GPHN: variants seen among roughly 807,000 people sequenced by gnomAD.
The protein encoded by GPHN is gephyrin.
Under a neutral mutation model 95.5 loss-of-function variants are expected in GPHN, and 17 were observed. The observed-to-expected ratio is 0.18, with a 90% CI of 0.12 to 0.27. GPHN has a LOEUF of 0.27. Among genes scored for constraint, GPHN ranks in the 10% least tolerant of loss-of-function variants. The pLI is 1.00. For missense variants in GPHN, 660 were observed against 978.1 expected (o/e 0.67, Z 4.34); for synonymous variants, 320 against 322.5 (o/e 0.99, Z 0.08).
At chr14:67,378,824 G>A in the GPHN span, among the ~76,000 whole-genome samples, 1 of 152,270 alleles carries the variant, frequency 6.6e-6, no homozygotes, top group Non-Finnish European at 1.5e-5. Context: ...TTCTGACATA[G>A]TTGGAAACAA....
At chr14:67,604,301 G>A in the GPHN span, among the ~76,000 whole-genome samples, 1 of 152,264 alleles carries the variant, frequency 6.6e-6, no homozygotes, top group South Asian at 2.1e-4. Context: ...TACTCTAATG[G>A]TGTCTTTTGA....
At chr14:67,535,078 T>A in the GPHN span, among the ~76,000 whole-genome samples, 1 of 152,216 alleles carries the variant, frequency 6.6e-6, no homozygotes, top group Non-Finnish European at 1.5e-5. Flanking sequence ...GATGTAGGAA[T>A]ATCTCTAAGT....
chr14:66,920,820 C>T (rs1390460698), intron 6 of GPHN, among the ~76,000 whole-genome samples: 1 of 152,096 alleles, frequency 6.6e-6, no homozygotes, highest in South Asian at 2.1e-4. Context: ...CATAGCTTAG[C>T]TCCCACATAT....
intron 4 of GPHN, among the ~76,000 whole-genome samples, chr14:66,839,036 G>A (rs1415224773): frequency 6.6e-6 from 1 of 152,172 alleles, no homozygotes; most frequent in African/African-American, 2.4e-5. Flanking sequence ...ACTTGGAACT[G>A]CTACTAAAAT....
chr14:66,581,844 A>T (rs1329872177), intron 1 of GPHN, among the ~76,000 whole-genome samples: 1 of 152,044 alleles, frequency 6.6e-6, no homozygotes, highest in Non-Finnish European at 1.5e-5. Flanking sequence ...AGAAGATATA[A>T]CAATTGTAAA....
intron 11 of GPHN, among the ~76,000 whole-genome samples, chr14:67,080,255 T>A (rs1374912388): frequency 6.6e-6 from 1 of 151,944 alleles, no homozygotes; most frequent in East Asian, 1.9e-4. Flanking sequence ...TCATTTTAAA[T>A]TCATGTGATT....
intron 4 of GPHN, among the ~76,000 whole-genome samples, chr14:66,838,705 T>C (rs1025410884): frequency 4.6e-5 from 7 of 152,180 alleles, no homozygotes; most frequent in African/African-American, 1.4e-4. Context: ...TTTCAGGATA[T>C]TCCTTTCTTT....
chr14:66,570,462 G>A (rs972717866), intron 1 of GPHN, among the ~76,000 whole-genome samples: 3 of 151,836 alleles, frequency 2.0e-5, no homozygotes, highest in Non-Finnish European at 4.4e-5. Flanking sequence ...CTACCACCAC[G>A]CCCAGCTAAT....
chr14:67,367,673 C>T, the GPHN span, among the ~76,000 whole-genome samples: 1 of 151,548 alleles, frequency 6.6e-6, no homozygotes, highest in East Asian at 2.0e-4. Context: ...CTCATCTCTA[C>T]AAAAAATACA....
At chr14:67,529,775 G>A in the GPHN span, among the ~76,000 whole-genome samples, 3 of 152,300 alleles carry the variant, frequency 2.0e-5, no homozygotes, top group South Asian at 4.1e-4. Context: ...AGATTCAGCA[G>A]TAGAAGTAAC....
intron 9 of GPHN, among the ~76,000 whole-genome samples, chr14:66,971,442 A>G (rs2069770146): frequency 6.6e-6 from 1 of 152,234 alleles, no homozygotes; most frequent in Non-Finnish European, 1.5e-5. Flanking sequence ...GCATTGTTTT[A>G]CATTTTTTCA....
the GPHN span, among the ~76,000 whole-genome samples, chr14:67,324,402 A>G: frequency 6.6e-6 from 1 of 152,194 alleles, no homozygotes; most frequent in African/African-American, 2.4e-5. Context: ...GACTTACTGT[A>G]TCAGAGTAAC....
chr14:66,592,288 C>G (rs4418488), intron 1 of GPHN, among the ~76,000 whole-genome samples: 1 of 151,960 alleles, frequency 6.6e-6, no homozygotes, highest in Non-Finnish European at 1.5e-5. Flanking sequence ...GCAGCAAAAG[C>G]CAAAATTGAT....
chr14:66,792,558 C>G (rs2060010034), intron 3 of GPHN, among the ~76,000 whole-genome samples: 1 of 150,604 alleles, frequency 6.6e-6, no homozygotes, highest in African/African-American at 2.4e-5. Flanking sequence ...AAAGACATGT[C>G]CAAATAAAAA....
intron 1 of GPHN, 38 bp downstream of exon 1, chr14:66,508,629 T>A (rs759106549): frequency 1.4e-5 from 21 of 1,523,596 alleles, no homozygotes; most frequent in Non-Finnish European, 1.9e-5. Flanking sequence ...ATGAGGCTGC[T>A]GTCCCTGCAT....
chr14:67,515,661 T>G, the GPHN span, among the ~76,000 whole-genome samples: 1 of 152,136 alleles, frequency 6.6e-6, no homozygotes, highest in African/African-American at 2.4e-5. Context: ...GCAGGGCTCT[T>G]CGGCCCTCCC....
At chr14:67,629,180 A>G in the GPHN span, among the ~76,000 whole-genome samples, 13 of 152,004 alleles carry the variant, frequency 8.6e-5, no homozygotes, top group Admixed American at 4.6e-4. Context: ...CAGTGGGGGG[A>G]AAAAAATTAG....
the GPHN span, chr14:67,412,294 T>G: frequency 5.7e-5 from 25 of 440,544 alleles, no homozygotes; most frequent in African/African-American, 4.8e-4. Flanking sequence ...GGGTCGGTGG[T>G]TGGTCCTCCA....
the GPHN span, among the ~76,000 whole-genome samples, chr14:67,378,030 C>G: frequency 0.034 from 5,218 of 151,694 alleles, 108 homozygotes; most frequent in East Asian, 0.06. Context: ...GCAGGAGGAT[C>G]ACTTGAGTCC....
Sources: allele counts gnomAD v4.1 joint callset (sites outside exome capture counted in the v4.1 genomes callset), GRCh38; gene constraint gnomAD v4.1.1; transcripts MANE v1.5; gene names NCBI Gene and HGNC (gene_info 2026-07-23, HGNC 2026-07-21).